NCKAP5: variants seen among roughly 807,000 people sequenced by gnomAD.
The protein encoded by NCKAP5 is nck-associated protein 5.
A neutral mutation model predicts 167.0 loss-of-function variants in NCKAP5; 92 were observed. That is an observed-to-expected ratio of 0.55 (90% CI 0.47 to 0.66). The LOEUF (loss-of-function observed/expected upper bound fraction) is 0.66, where lower values mean the gene tolerates loss of function less well. Among genes scored for constraint, NCKAP5 ranks in the 30% least tolerant of loss-of-function variants. The probability of loss-of-function intolerance (pLI) is 0.00; values close to 1 mark genes in which losing one functional copy is unlikely to be tolerated. For synonymous variants in NCKAP5, 891 were observed against 877.4 expected (o/e 1.02, Z -0.27); for missense variants, 2,378 against 2,315.0 (o/e 1.03, Z -0.56).
chr2:133,052,060 C>T (rs917536063), intron 6 of NCKAP5, among the ~76,000 whole-genome samples: 1 of 152,166 alleles, frequency 6.6e-6, no homozygotes, highest in African/African-American at 2.4e-5. Context: ...TACTAGCTAC[C>T]TCTCCTAGAA....
chr2:133,594,347 C>A, the NCKAP5 span, among the ~76,000 whole-genome samples: 1 of 152,150 alleles, frequency 6.6e-6, no homozygotes, highest in Non-Finnish European at 1.5e-5. Flanking sequence ...CTCTCTCTTG[C>A]CCTGGGGTCG....
At chr2:132,675,838 A>AT (rs1265143121) in intron 19 of NCKAP5, among the ~76,000 whole-genome samples, 4 of 143,074 alleles carry the variant, frequency 2.8e-5, no homozygotes, top group African/African-American at 1.2e-4. Context: ...AGGGACCATT[A>AT]TTTAAAAAAA....
In NCKAP5 at chr2:133,471,017, C is replaced by A. The variant is rs186009694; in HGVS notation, c.69+46441G>T. ...GCTGTAGACTGGAGCTGTTCCTATTCGGCCATCTTGGCTCCTCCCCCCCTG... is the reference window on the plus strand; with the variant it reads ...GCTGTAGACTGGAGCTGTTCCTATTAGGCCATCTTGGCTCCTCCCCCCCTG... On this transcript the variant is annotated intron_variant, in intron 3 of 19. Coordinates refer to ENST00000409261, the MANE Select transcript of NCKAP5 (RefSeq NM_207363.3). Among the ~76,000 whole-genome samples the A allele has an allele frequency of 5.0e-4, 76 of 152,344 alleles. 1 individual carries two copies. The East Asian group carries it at 0.014, about 28-fold the overall frequency.
intron 3 of NCKAP5, among the ~76,000 whole-genome samples, chr2:133,470,083 T>C (rs188023517): frequency 0.51 from 77,329 of 151,402 alleles, 20,518 homozygotes; most frequent in East Asian, 0.7. Flanking sequence ...GGAGGAGAGG[T>C]GCTCTGCTTT....
intron 8 of NCKAP5, among the ~76,000 whole-genome samples, chr2:132,952,452 C>A (rs765137959): frequency 6.6e-6 from 1 of 151,960 alleles, no homozygotes; most frequent in Non-Finnish European, 1.5e-5. Flanking sequence ...AGTCACAGAC[C>A]CCCCCCACTC....
At chr2:133,313,488 G>T (rs368161275) in intron 3 of NCKAP5, among the ~76,000 whole-genome samples, 1 of 152,220 alleles carries the variant, frequency 6.6e-6, no homozygotes, top group South Asian at 2.1e-4. Context: ...GGTAAAAAGA[G>T]TTATACTTAT....
intron 11 of NCKAP5, among the ~76,000 whole-genome samples, chr2:132,801,376 G>A (rs1001850337): frequency 6.6e-6 from 1 of 152,192 alleles, no homozygotes; most frequent in Admixed American, 6.5e-5. Context: ...CTACAGGGTA[G>A]CCACTCAAGA....
chr2:132,820,235 GT>G (rs148018470), intron 11 of NCKAP5, among the ~76,000 whole-genome samples: 3 of 148,190 alleles, frequency 2.0e-5, no homozygotes, highest in South Asian at 2.2e-4. Flanking sequence ...TTTTGTTTTT[GT>G]TTTTTTTTTA....
At chr2:132,765,296 ATTTC>A (rs1323631462) in intron 16 of NCKAP5, among the ~76,000 whole-genome samples, 10 of 141,496 alleles carry the variant, frequency 7.1e-5, no homozygotes, top group Non-Finnish European at 1.2e-4. Flanking sequence ...TTTCCTATGG[ATTTC>A]TTTCTTTCTT....
At chr2:132,828,066 T>C (rs922959965) in intron 11 of NCKAP5, among the ~76,000 whole-genome samples, 2 of 152,326 alleles carry the variant, frequency 1.3e-5, no homozygotes. Context: ...TATTTCCTTA[T>C]TGTATTTTCA....
At chr2:133,330,408 T>C (rs1490842808) in intron 3 of NCKAP5, among the ~76,000 whole-genome samples, 1 of 151,098 alleles carries the variant, frequency 6.6e-6, no homozygotes, top group Non-Finnish European at 1.5e-5. Flanking sequence ...TTTTTTTTTT[T>C]TCTTATTAAA....
At chr2:132,889,158 A>C (rs1374409848) in intron 8 of NCKAP5, among the ~76,000 whole-genome samples, 1 of 152,200 alleles carries the variant, frequency 6.6e-6, no homozygotes, top group South Asian at 2.1e-4. Context: ...CAGCCATGGG[A>C]GTGAAGGAGC....
intron 3 of NCKAP5, among the ~76,000 whole-genome samples, chr2:133,444,166 T>C (rs1559489233): frequency 6.6e-6 from 1 of 152,156 alleles, no homozygotes; most frequent in Non-Finnish European, 1.5e-5. Flanking sequence ...TGTCCCATTC[T>C]TCAGGTGAGA....
intron 4 of NCKAP5, among the ~76,000 whole-genome samples, chr2:133,270,627 C>T (rs888919088): frequency 1.3e-5 from 2 of 152,216 alleles, no homozygotes; most frequent in East Asian, 3.9e-4. Flanking sequence ...GCTCCCTTTA[C>T]AAACCACCCT....
intron 16 of NCKAP5, among the ~76,000 whole-genome samples, chr2:132,772,646 T>C (rs1339611385): frequency 6.6e-6 from 1 of 152,232 alleles, no homozygotes; most frequent in Non-Finnish European, 1.5e-5. Context: ...CATTTTACAT[T>C]GACAACTATA....
At chr2:133,427,792 A>C (rs1257291343) in intron 3 of NCKAP5, among the ~76,000 whole-genome samples, 4 of 152,092 alleles carry the variant, frequency 2.6e-5, no homozygotes, top group Non-Finnish European at 4.4e-5. Flanking sequence ...TTAATACATC[A>C]AGATCACTGG....
chr2:133,647,708 A>AAG, the NCKAP5 span, among the ~76,000 whole-genome samples: 2 of 48,450 alleles, frequency 4.1e-5, no homozygotes, highest in African/African-American at 5.2e-5. Flanking sequence ...GAAGGAAAGA[A>AAG]AAAGAAAGGA....
At chr2:132,929,666 C>G (rs1002903376) in intron 8 of NCKAP5, among the ~76,000 whole-genome samples, 3 of 152,164 alleles carry the variant, frequency 2.0e-5, no homozygotes, top group African/African-American at 7.2e-5. Flanking sequence ...CTGTGGAACT[C>G]TGCCTCATGG....
intron 4 of NCKAP5, among the ~76,000 whole-genome samples, chr2:133,278,878 G>A (rs1238147165): frequency 6.6e-6 from 1 of 150,874 alleles, no homozygotes; most frequent in Non-Finnish European, 1.5e-5. Flanking sequence ...TTCACAAAAC[G>A]ACACGCAAGT....
Sources: allele counts gnomAD v4.1 joint callset (sites outside exome capture counted in the v4.1 genomes callset), GRCh38; gene constraint gnomAD v4.1.1; transcripts MANE v1.5; gene names NCBI Gene and HGNC (gene_info 2026-07-23, HGNC 2026-07-21).